The following CDH23 variants were observed in gnomAD, a reference collection of about 807,000 sequenced individuals.
CDH23 encodes cadherin-23.
CDH23 carries 189 observed loss-of-function variants against 317.1 expected under a neutral mutation model. The ratio of observed to expected loss-of-function variants is 0.60; its 90% CI spans 0.53 to 0.67. The LOEUF is 0.67. CDH23 is among the 30% of genes least tolerant of loss of function. The pLI is 0.00. For missense variants in CDH23, 4,401 were observed against 4,592.4 expected (o/e 0.96, Z 1.20); for synonymous variants, 1,839 against 1,876.8 (o/e 0.98, Z 0.52).
intron 11 of CDH23, among the ~76,000 whole-genome samples, chr10:71,641,639 G>A (rs1431943485): frequency 6.6e-6 from 1 of 152,230 alleles, no homozygotes; most frequent in Non-Finnish European, 1.5e-5. Flanking sequence ...TACAGAATCA[G>A]GAATTCCTGG....
intron 42 of CDH23, among the ~76,000 whole-genome samples, 176 bp downstream of exon 42, chr10:71,784,596 G>T (rs1841047787): frequency 6.6e-6 from 1 of 152,142 alleles, no homozygotes. Context: ...CAACTCTTTG[G>T]GGAGGCTGCC....
chr10:71,446,073 A>G (rs375729365), intron 2 of CDH23, among the ~76,000 whole-genome samples: 2 of 152,156 alleles, frequency 1.3e-5, no homozygotes, highest in African/African-American at 4.8e-5. Context: ...CATGTGGGCC[A>G]TGCTCAGCAG....
intron 27 of CDH23, among the ~76,000 whole-genome samples, chr10:71,709,570 T>C (rs1865901613): frequency 6.6e-6 from 1 of 152,194 alleles, no homozygotes; most frequent in Admixed American, 6.5e-5. Flanking sequence ...CGAATCGGCA[T>C]CTGGGAGTGC....
rs80188058 is a variant in CDH23 at position 71,441,802 on chromosome 10, A to G, written c.67+1904A>G. On this transcript the variant is annotated intron_variant, in intron 2 of 69. Coordinates refer to ENST00000224721, the MANE Select transcript of CDH23 (RefSeq NM_022124.6). ...GCCCTTGGCTGCTTTCCTCTGTGAG[A>G]CACGGCAGTCTCCCCTTGAGCTCTC... is the stretch of plus-strand genomic sequence containing the variant. Among the ~76,000 whole-genome samples the G allele has an allele frequency of 6.6e-4, 100 of 152,270 alleles. 4 individuals carry two copies. The East Asian group carries it at 0.019, about 29-fold the overall frequency.
At chr10:71,518,591 G>A (rs1359218616) in intron 6 of CDH23, among the ~76,000 whole-genome samples, 2 of 152,214 alleles carry the variant, frequency 1.3e-5, no homozygotes, top group South Asian at 2.1e-4. Context: ...GTGGCCTGCA[G>A]TGTTAGTGTG....
chr10:71,805,873 C>G lies in CDH23; in HGVS notation c.7940C>G (p.Ala2647Gly), dbSNP rs773380547. Reference protein sequence around the residue: ...ATDKDEGLNGAVRYSFLKTAG... With the variant: ...ATDKDEGLNGGVRYSFLKTAG... Reference sequence around the variant, plus strand: ...GACAAGGATGAGGGCCTCAACGGGGCGGTGCGCTACAGCTTCCTGAAGACT... The same window carrying G: ...GACAAGGATGAGGGCCTCAACGGGGGGGTGCGCTACAGCTTCCTGAAGACT... The change falls in exon 56 of 70, where the codon GCG (alanine) becomes GGG (glycine). Residue 2647 changes from alanine to glycine, a missense_variant. Physicochemically the swap from Ala to Gly is moderately conservative, Grantham distance 60. This residue lies in a region of CDH23 where 1,144 missense variants were observed against 1,138.2 expected (regional missense o/e 1.01). Coordinates refer to ENST00000224721, the MANE Select transcript of CDH23 (RefSeq NM_022124.6). The G allele has an allele frequency of 6.2e-7, 1 of 1,613,806 alleles. No individual in the cohort carries two copies.
At chr10:71,614,678 T>C (rs1482980860) in intron 9 of CDH23, among the ~76,000 whole-genome samples, 1 of 152,154 alleles carries the variant, frequency 6.6e-6, no homozygotes, top group African/African-American at 2.4e-5. Flanking sequence ...AGGACTGCCT[T>C]TCTGGAGGAG....
At chr10:71,682,607 G>A (rs1396668272) in intron 18 of CDH23, 35 bp downstream of exon 18, 2 of 1,608,186 alleles carry the variant, frequency 1.2e-6, no homozygotes, top group Admixed American at 3.4e-5. Flanking sequence ...TGCCCTGCTA[G>A]TGTAAGGGAT....
intron 27 of CDH23, 45 bp downstream of exon 27, chr10:71,709,256 G>T (rs1242869424): frequency 6.5e-7 from 1 of 1,550,130 alleles, no homozygotes. Context: ...TCTGGGCAGA[G>T]TTCACACAGG....
chr10:71,571,020 T>G, intron 8 of CDH23, 102 bp downstream of exon 8: 1 of 1,351,528 alleles, frequency 7.4e-7, no homozygotes, highest in Non-Finnish European at 1.0e-6. Flanking sequence ...GGCTCCTCCT[T>G]GGCTCCTCCG....
chr10:71,807,026 TAA>T (rs1841751815), intron 57 of CDH23, among the ~76,000 whole-genome samples: 1 of 152,248 alleles, frequency 6.6e-6, no homozygotes, highest in South Asian at 2.1e-4. Context: ...CATGTGCATA[TAA>T]GAGTAACGTG....
rs974776185 is a variant in CDH23, at chr10:71,469,487, G to A, written c.145+23092G>A. 3.9e-5 allele frequency among the ~76,000 whole-genome samples: 6 copies of A among 152,000 alleles called. No homozygotes were observed. In the South Asian group the frequency reaches 6.2e-4, roughly 16 times the overall value. On this transcript the variant is annotated intron_variant, in intron 3 of 69. Transcript: ENST00000224721. ...TAACCACAGTTTATTCCTTTTTATC[G>A]TTGAGTTATATTCCATTGTAAAAGC...
chr10:71,742,001 G>A (rs1318737330), intron 38 of CDH23, 80 bp downstream of exon 38: 1 of 1,165,422 alleles, frequency 8.6e-7, no homozygotes, highest in East Asian at 2.6e-5. Flanking sequence ...CAAGATGGGT[G>A]AGAATGGAAT....
intron 14 of CDH23, among the ~76,000 whole-genome samples, chr10:71,655,733 G>T (rs1863389599): frequency 6.6e-6 from 1 of 152,034 alleles, no homozygotes; most frequent in African/African-American, 2.4e-5. Flanking sequence ...GGTGGTCTGG[G>T]GTATCTAGGA....
At chr10:71,509,110 C>T (rs1271562370) in intron 3 of CDH23, among the ~76,000 whole-genome samples, 2 of 152,198 alleles carry the variant, frequency 1.3e-5, no homozygotes, top group Non-Finnish European at 2.9e-5. Context: ...TGACACCTGC[C>T]TCTCAATCCC....
At chr10:71,417,198 T>C (rs1272503770) in intron 1 of CDH23, among the ~76,000 whole-genome samples, 1 of 151,922 alleles carries the variant, frequency 6.6e-6, no homozygotes, top group Admixed American at 6.6e-5. Flanking sequence ...TGCCTCAGCC[T>C]CCCAAGTACC....
chr10:71,408,964 T>C (rs1009088523), intron 1 of CDH23, among the ~76,000 whole-genome samples: 4 of 152,246 alleles, frequency 2.6e-5, no homozygotes, highest in African/African-American at 9.6e-5. Context: ...CGTGTGTGTG[T>C]GTGCATGTGC....
intron 22 of CDH23, among the ~76,000 whole-genome samples, chr10:71,697,864 C>T (rs1325138453): frequency 1.3e-5 from 2 of 152,192 alleles, no homozygotes; most frequent in Non-Finnish European, 2.9e-5. Context: ...TAGTACAGAG[C>T]GGGTGTGGCT....
At chr10:71,662,879 C>T (rs143877386) in intron 14 of CDH23, among the ~76,000 whole-genome samples, 44 of 152,300 alleles carry the variant, frequency 2.9e-4, no homozygotes, top group Admixed American at 8.5e-4. Context: ...GAGGGGCTGG[C>T]AGGGCTGTCC....
Sources: gnomAD v4.1 joint callset for allele counts (sites outside exome capture counted in the v4.1 genomes callset) on GRCh38, gnomAD v4.1.1 for gene constraint, gnomAD v4.1.1 regional missense constraint, MANE v1.5 for transcripts, NCBI Gene and HGNC (gene_info 2026-07-23, HGNC 2026-07-21) for gene names.